The following C21orf91 variants were observed in gnomAD, a reference collection of about 807,000 sequenced individuals.
C21orf91 encodes protein EURL homolog.
A neutral mutation model predicts 32.9 loss-of-function variants in C21orf91; 26 were observed. The ratio of observed to expected loss-of-function variants is 0.79; its 90% CI spans 0.58 to 1.10. C21orf91 has a LOEUF of 1.10. Among genes scored for constraint, C21orf91 ranks in the 50% least tolerant of loss-of-function variants. The pLI is 0.00. For synonymous variants in C21orf91, 126 were observed against 120.4 expected, an observed-to-expected ratio of 1.05 and a Z score of -0.31; for missense variants, 310 against 341.3, an observed-to-expected ratio of 0.91 and a Z score of 0.72.
chr21:17,795,170 T>C, intron 4 of C21orf91, 38 bp downstream of exon 4: 1 of 1,387,428 alleles, frequency 7.2e-7, no homozygotes, highest in Non-Finnish European at 1.0e-6. Context: ...TATGTCAAAA[T>C]TTGTCACACA....
In C21orf91 at chr21:17,792,188, T is replaced by C. The variant is rs1946397452; in HGVS notation, c.*1227A>G. 1 of 152,174 alleles carries C rather than the reference T, an allele frequency of 6.6e-6. No homozygotes were observed. The highest frequency in any genetic ancestry group is 2.4e-5 in the African/African-American group (1 of 41,452). The allele number at this position is 152,174 out of a possible 1,614,324, so 9.4% of individuals were successfully genotyped here. A position where few individuals can be genotyped will look rare whatever the true frequency, so the allele number is the denominator to read the frequency against. Reference sequence around the variant, plus strand: ...TTATAGCCTTTACTGTAATACATTATTAAAATTTATCTAGCTGTTTGGCAC... The same window carrying C: ...TTATAGCCTTTACTGTAATACATTACTAAAATTTATCTAGCTGTTTGGCAC... On this transcript the variant is annotated 3_prime_UTR_variant, in exon 5 of 5. Transcript: ENST00000284881.
chr21:17,806,549 G>A (rs921827976), intron 2 of C21orf91, among the ~76,000 whole-genome samples: 1 of 151,928 alleles, frequency 6.6e-6, no homozygotes, highest in South Asian at 2.1e-4. Flanking sequence ...GATGAATTAA[G>A]AGGGGGAGGC....
intron 2 of C21orf91, among the ~76,000 whole-genome samples, chr21:17,800,441 T>C (rs577391673): frequency 6.6e-6 from 1 of 152,246 alleles, no homozygotes; most frequent in Non-Finnish European, 1.5e-5. Context: ...CATATCATTT[T>C]ATAAATTCTT....
chr21:17,817,105 C>T (rs1238827090), intron 2 of C21orf91, among the ~76,000 whole-genome samples: 1 of 152,134 alleles, frequency 6.6e-6, no homozygotes, highest in East Asian at 1.9e-4. Context: ...AGGAACACAC[C>T]ACTGTTCCTG....
In C21orf91 at chr21:17,790,696, A is replaced by G. The variant is rs1364168123; in HGVS notation, c.*2719T>C. 6.6e-6 allele frequency: 1 copy of G among 152,126 alleles called. No individual in the cohort carries two copies. Among genetic ancestry groups the G allele is most frequent in the African/African-American group, 2.4e-5 (1 of 41,454 alleles). The allele number at this position is 152,126 out of a possible 1,614,324, so 9.4% of individuals were successfully genotyped here. A position where few individuals can be genotyped will look rare whatever the true frequency, so the allele number is the denominator to read the frequency against. On this transcript the variant is annotated 3_prime_UTR_variant, in exon 5 of 5. Transcript: ENST00000284881. ...CTCAAGTGCATGCCTTTTAAAAAAG[A>G]CTAATTTAGATATTAATATGAGGAT... is the stretch of plus-strand genomic sequence containing the variant.
chr21:17,796,487 A>T, intron 3 of C21orf91, 95 bp downstream of exon 3: 1 of 918,394 alleles, frequency 1.1e-6, no homozygotes, highest in Non-Finnish European at 1.7e-6. Context: ...CAAATCTATG[A>T]TTCCACAGCA....
At chr21:17,806,602 G>A (rs574015945) in intron 2 of C21orf91, among the ~76,000 whole-genome samples, 16 of 152,340 alleles carry the variant, frequency 1.1e-4, no homozygotes, top group African/African-American at 3.6e-4. Flanking sequence ...ACTTTGGGAG[G>A]CCAAGGCAGG....
intron 2 of C21orf91, among the ~76,000 whole-genome samples, chr21:17,804,872 A>G (rs2062584914): frequency 1.3e-5 from 2 of 152,240 alleles, no homozygotes; most frequent in African/African-American, 2.4e-5. Context: ...TACATTGCAA[A>G]TGACTTGTCA....
chr21:17,800,450 T>C (rs945862409), intron 2 of C21orf91, among the ~76,000 whole-genome samples: 36 of 152,340 alleles, frequency 2.4e-4, no homozygotes, highest in African/African-American at 8.7e-4. Flanking sequence ...TTATAAATTC[T>C]TGAAGTGATT....
At chr21:17,814,495 T>TA (rs1487123977) in intron 2 of C21orf91, among the ~76,000 whole-genome samples, 1 of 152,160 alleles carries the variant, frequency 6.6e-6, no homozygotes, top group African/African-American at 2.4e-5. Flanking sequence ...GGGTAATTTA[T>TA]AAAGAAAAGG....
At chr21:17,795,334 C>A in intron 3 of C21orf91, 64 bp from the exon 4 acceptor site, 1 of 1,028,796 alleles carries the variant, frequency 9.7e-7, no homozygotes, top group Non-Finnish European at 1.5e-6. Context: ...GCTTACATCA[C>A]CAACACAATA....
chr21:17,803,056 G>C (rs2062572662), intron 2 of C21orf91, among the ~76,000 whole-genome samples: 1 of 152,164 alleles, frequency 6.6e-6, no homozygotes, highest in African/African-American at 2.4e-5. Flanking sequence ...CAGAATTAGG[G>C]AACTGGGAGT....
chr21:17,795,135 T>G, intron 4 of C21orf91, 73 bp downstream of exon 4: 3 of 894,818 alleles, frequency 3.4e-6, no homozygotes, highest in Non-Finnish European at 5.7e-6. Context: ...ATAAAGCCAG[T>G]GGTGTCCTAT....
At position 17,796,832 on chromosome 21, in the gene C21orf91, T is replaced by C. The variant is rs1295250580; in HGVS notation, c.414A>G (p.Gln138=). Reference sequence around the variant, plus strand: ...TCCATTTTGCAGAATATTTTGGTACTTGGGAGTCAAACTGTGGGAGTAATT... The same window carrying C: ...TCCATTTTGCAGAATATTTTGGTACCTGGGAGTCAAACTGTGGGAGTAATT... The part of the protein sequence containing the change: ...EEKLLPQFDS[Q]VPKYSAKWID... Residue 138 remains glutamine, a synonymous_variant, in exon 3 of 5, where the codon CAA becomes CAG. Transcript: ENST00000284881. 3.7e-6 allele frequency: 6 copies of C among 1,613,922 alleles called. No homozygotes were observed. Among genetic ancestry groups the C allele is most frequent in the Non-Finnish European group, 3.4e-6 (4 of 1,179,940 alleles).
Position 17,796,648 on chromosome 21 carries a change from CT to C in C21orf91, c.597del (p.Glu200LysfsTer23). The C allele has an allele frequency of 5.0e-6, 8 of 1,614,046 alleles. No individual in the cohort carries two copies. Among genetic ancestry groups the C allele is most frequent in the Non-Finnish European group, 6.8e-6 (8 of 1,179,926 alleles). The part of the protein sequence containing the change: ...WPHSHNQAQK[K>X]EETISSPEAN... ...GCCTCTGGACTAGAGATTGTCTCTT[CT>C]TTTTTCTGTGCCTGGTTGTGACTAT... On this transcript the variant is annotated frameshift_variant, in exon 3 of 5. Coordinates refer to ENST00000284881, the MANE Select transcript of C21orf91 (RefSeq NM_001100420.2). LOFTEE classifies it high-confidence loss of function.
Position 17,791,961 on chromosome 21 carries a change from TTTC to T in C21orf91, c.*1451_*1453del, listed in dbSNP as rs1201263522. On this transcript the variant is annotated 3_prime_UTR_variant, in exon 5 of 5. Transcript: ENST00000284881. ...CTGAAGTGTTTCTTTGCTTAAATAC[TTTC>T]TTGTGTTCAACAACAAAATCTGACC... 1 of 152,190 alleles carries T rather than the reference TTTC, an allele frequency of 6.6e-6. No individual in the cohort carries two copies. The highest frequency in any genetic ancestry group is 1.9e-4 in the East Asian group (1 of 5,204). 9.4% of individuals were successfully genotyped at this position (152,190 alleles called of 1,614,324 possible). A position where few individuals can be genotyped will look rare whatever the true frequency, so the allele number is the denominator to read the frequency against.
intron 2 of C21orf91, among the ~76,000 whole-genome samples, chr21:17,815,875 G>C (rs866677172): frequency 8.5e-5 from 13 of 152,220 alleles, no homozygotes; most frequent in African/African-American, 3.1e-4. Context: ...GGTCAGGCTG[G>C]TACCGAACTC....
chr21:17,811,680 A>G (rs1031080528), intron 2 of C21orf91, among the ~76,000 whole-genome samples: 1 of 152,162 alleles, frequency 6.6e-6, no homozygotes, highest in African/African-American at 2.4e-5. Context: ...TCTAGATTTA[A>G]GCTGTTTTCA....
At chr21:17,800,344 C>T (rs1568751297) in intron 2 of C21orf91, among the ~76,000 whole-genome samples, 1 of 152,142 alleles carries the variant, frequency 6.6e-6, no homozygotes, top group Admixed American at 6.5e-5. Context: ...TTCTATAAAA[C>T]ACTGACTACT....
Sources: allele counts gnomAD v4.1 joint callset (sites outside exome capture counted in the v4.1 genomes callset), GRCh38; gene constraint gnomAD v4.1.1; transcripts MANE v1.5; gene names NCBI Gene and HGNC (gene_info 2026-07-23, HGNC 2026-07-21).